The following PRMT9 variants were observed in gnomAD, a reference collection of about 807,000 sequenced individuals.
The protein encoded by PRMT9 is protein arginine methyltransferase 9, also known as protein arginine N-methyltransferase 9.
PRMT9 carries 59 observed loss-of-function variants against 83.2 expected under a neutral mutation model. That is an observed-to-expected ratio of 0.71 (90% CI 0.57 to 0.88). PRMT9 has a LOEUF of 0.88. Among genes scored for constraint, PRMT9 ranks in the 40% least tolerant of loss-of-function variants. PRMT9 has a pLI of 0.00. For missense variants in PRMT9, 947 were observed against 1,021.9 expected, an observed-to-expected ratio of 0.93 and a Z score of 1.00; for synonymous variants, 333 against 353.2, an observed-to-expected ratio of 0.94 and a Z score of 0.64.
chr4:147,653,010 CTGTA>C (rs1359395384), intron 9 of PRMT9, among the ~76,000 whole-genome samples: 8 of 152,070 alleles, frequency 5.3e-5, no homozygotes, highest in Non-Finnish European at 1.2e-4. Flanking sequence ...TTAAAAATAC[CTGTA>C]TGTGTGATTG....
In PRMT9 at chr4:147,654,392, G is replaced by A; in HGVS notation, c.1505C>T (p.Ala502Val). 14 of 1,614,108 alleles carry A rather than the reference G, an allele frequency of 8.7e-6. No homozygotes were observed. Among genetic ancestry groups the A allele is most frequent in the Non-Finnish European group, 1.2e-5 (14 of 1,180,012 alleles). The change falls in exon 9 of 12, where the codon GCC becomes GTC. Residue 502 changes from alanine (A) to valine (V), a missense_variant. By Grantham distance (64) the Ala-to-Val change is moderately conservative. Transcript: ENST00000322396. ...TTTACTGGTCTGAAGGTTAGCGAGG[G>A]CACTACAAAGTTCAGCCTCATTTCC... ...SLGNEAELCS[A>V]LANLQTSKPD...
At chr4:147,642,635 AG>A (rs985861189) in intron 10 of PRMT9, 151 bp downstream of exon 10, 15 of 702,606 alleles carry the variant, frequency 2.1e-5, no homozygotes, top group African/African-American at 1.3e-4. Context: ...CCTTTGTTCT[AG>A]GAACTTATTA....
intron 5 of PRMT9, 39 bp from the exon 6 acceptor site, chr4:147,668,684 A>C: frequency 8.7e-7 from 1 of 1,144,324 alleles, no homozygotes; most frequent in Non-Finnish European, 1.3e-6. Flanking sequence ...TATCACATGT[A>C]TGTAAAAATG....
chr4:147,673,362 T>C (rs1032671740), intron 3 of PRMT9, among the ~76,000 whole-genome samples: 2 of 152,166 alleles, frequency 1.3e-5, no homozygotes, highest in African/African-American at 4.8e-5. Flanking sequence ...TGAATACTAA[T>C]GGGCTTTAAC....
Position 147,642,891 on chromosome 4 carries a change from A to G in PRMT9, c.2095T>C (p.Phe699Leu), listed in dbSNP as rs1215488439. ...GTCTGTGATTCCACAAGCAACCCAA[A>G]CATCAGCACATACTGAGGAAAGATC... Reference protein sequence around the residue: ...GKIFPQYVLMFGLLVESQTLL... With the variant: ...GKIFPQYVLMLGLLVESQTLL... The change falls in exon 10 of 12, where the codon TTT becomes CTT. Residue 699 changes from phenylalanine to leucine, a missense_variant. Phe to Leu is a conservative substitution (Grantham distance 22). Transcript: ENST00000322396. 6.2e-7 allele frequency: 1 copy of G among 1,613,960 alleles called. No individual in the cohort carries two copies. The highest frequency in any genetic ancestry group is 1.3e-5 in the African/African-American group (1 of 74,934).
At chr4:147,652,782 C>G (rs977674137) in intron 9 of PRMT9, among the ~76,000 whole-genome samples, 3 of 150,410 alleles carry the variant, frequency 2.0e-5, no homozygotes, top group Non-Finnish European at 4.4e-5. Context: ...GGTAGTTTTG[C>G]TTTCCACAGT....
intron 8 of PRMT9, among the ~76,000 whole-genome samples, chr4:147,655,249 A>G (rs559191727): frequency 1.3e-5 from 2 of 152,256 alleles, no homozygotes; most frequent in Admixed American, 1.3e-4. Flanking sequence ...TGCAGCCTCC[A>G]ACTCCTGGGC....
intron 8 of PRMT9, among the ~76,000 whole-genome samples, chr4:147,657,520 T>C (rs925456926): frequency 2.7e-5 from 4 of 149,986 alleles, no homozygotes; most frequent in Admixed American, 6.7e-5. Context: ...CGAGACTCTG[T>C]CGTTAAAAAA....
chr4:147,654,079 T>C lies in PRMT9; in HGVS notation c.1818A>G (p.Pro606=), dbSNP rs150904021. The change falls in exon 9 of 12, where the codon CCA becomes CCG. Residue 606 remains proline (P), a synonymous_variant. Coordinates refer to ENST00000322396, the MANE Select transcript of PRMT9 (RefSeq NM_138364.4). ...VIAGTLGQVK[P]YSSVEKDQHR... is the part of the protein sequence containing the mutation. ...GCTGGTCTTTCTCCACAGAACTGTA[T>C]GGTTTAACCTGCCCAAGTGTGCCAG... 30 of 1,614,114 alleles carry C rather than the reference T, an allele frequency of 1.9e-5. No individual in the cohort carries two copies. The highest frequency in any genetic ancestry group is 2.5e-5 in the Non-Finnish European group (30 of 1,180,038).
chr4:147,648,739 A>G (rs1733899883), intron 9 of PRMT9, among the ~76,000 whole-genome samples: 1 of 152,172 alleles, frequency 6.6e-6, no homozygotes, highest in Non-Finnish European at 1.5e-5. Context: ...ACTAAGTGAT[A>G]ATCAGTTTAG....
intron 2 of PRMT9, among the ~76,000 whole-genome samples, chr4:147,677,689 T>C (rs998282468): frequency 2.0e-5 from 3 of 152,030 alleles, no homozygotes; most frequent in African/African-American, 7.2e-5. Flanking sequence ...ACTCCTGACC[T>C]CAACTGATCT....
intron 5 of PRMT9, among the ~76,000 whole-genome samples, chr4:147,670,241 G>A (rs187327703): frequency 1.1e-4 from 16 of 152,272 alleles, no homozygotes; most frequent in East Asian, 7.7e-4. Flanking sequence ...GTGCAATGGC[G>A]TGACCTCAAC....
chr4:147,660,428 G>C (rs1734874117), intron 7 of PRMT9, among the ~76,000 whole-genome samples: 1 of 152,152 alleles, frequency 6.6e-6, no homozygotes. Context: ...CTCAGAGTCT[G>C]AGACCAGCGT....
intron 6 of PRMT9, among the ~76,000 whole-genome samples, chr4:147,661,974 A>T (rs1363965682): frequency 6.6e-6 from 1 of 152,136 alleles, no homozygotes; most frequent in Non-Finnish European, 1.5e-5. Context: ...ATACCTATTC[A>T]GATTCATTCT....
intron 2 of PRMT9, among the ~76,000 whole-genome samples, chr4:147,677,709 G>A (rs561450898): frequency 7.2e-5 from 11 of 151,770 alleles, no homozygotes; most frequent in Non-Finnish European, 1.3e-4. Context: ...TGCCTGCTTC[G>A]GCCTCCCAAA....
At position 147,639,058 on chromosome 4, in the gene PRMT9, G is replaced by C; in HGVS notation, c.2224C>G (p.Leu742Val). Reference sequence around the variant, plus strand: ...AAAGGTATACAGGGCAATGAGGATAGGTCCAAAAATACACGTATAGGTACC... The same window carrying C: ...AAAGGTATACAGGGCAATGAGGATACGTCCAAAAATACACGTATAGGTACC... ...FQVPIRVFLDLSSLPCIPLSK... is the reference protein window; with the variant it reads ...FQVPIRVFLDVSSLPCIPLSK... Residue 742 changes from leucine (L) to valine (V), a missense_variant, in exon 11 of 12, where the codon CTA (leucine) becomes GTA (valine). Leu to Val is a conservative substitution (Grantham distance 32). Coordinates refer to ENST00000322396, the MANE Select transcript of PRMT9 (RefSeq NM_138364.4). 6.2e-7 allele frequency: 1 copy of C among 1,613,300 alleles called. No individual in the cohort carries two copies. The highest frequency in any genetic ancestry group is 8.5e-7 in the Non-Finnish European group (1 of 1,179,432).
At chr4:147,668,487 C>G in intron 6 of PRMT9, 52 bp downstream of exon 6, 3 of 1,074,076 alleles carry the variant, frequency 2.8e-6, no homozygotes, top group Non-Finnish European at 2.9e-6. Context: ...TATAAATTAC[C>G]CAATCTTGGG....
At chr4:147,674,989 C>CT (rs1028219784) in intron 2 of PRMT9, among the ~76,000 whole-genome samples, 3 of 151,204 alleles carry the variant, frequency 2.0e-5, no homozygotes, top group Non-Finnish European at 3.0e-5. Context: ...CTTTTTTTTT[C>CT]TTTTTTTTGA....
At chr4:147,664,356 G>A (rs1230323401) in intron 6 of PRMT9, among the ~76,000 whole-genome samples, 2 of 152,272 alleles carry the variant, frequency 1.3e-5, no homozygotes, top group Admixed American at 6.5e-5. Context: ...CAATTTAGCT[G>A]TCCTGTCTCT....
Sources: gnomAD v4.1 joint callset for allele counts (sites outside exome capture counted in the v4.1 genomes callset) on GRCh38, gnomAD v4.1.1 for gene constraint, MANE v1.5 for transcripts, NCBI Gene and HGNC (gene_info 2026-07-23, HGNC 2026-07-21) for gene names.